Variants in ANKS1A observed in about 807,000 individuals in gnomAD.
ANKS1A encodes the protein ankyrin repeat and sterile alpha motif domain containing 1A.
In ANKS1A, 55 loss-of-function variants were observed where a neutral mutation model predicts 120.3. The observed-to-expected ratio is 0.46, with a 90% confidence interval of 0.37 to 0.57. ANKS1A has a LOEUF of 0.57. ANKS1A is among the 20% of genes least tolerant of loss of function. The pLI, the probability that ANKS1A is intolerant of heterozygous loss-of-function variation, is 0.00. For missense variants in ANKS1A, 1,123 were observed against 1,480.3 expected, an observed-to-expected ratio of 0.76 and a Z score of 3.96; for synonymous variants, 590 against 604.7, an observed-to-expected ratio of 0.98 and a Z score of 0.36.
chr6:35,037,518 CAGCAGGTT>C (rs776278396), intron 11 of ANKS1A, among the ~76,000 whole-genome samples: 2 of 152,300 alleles, frequency 1.3e-5, no homozygotes, highest in Non-Finnish European at 2.9e-5. Flanking sequence ...ATTTGTTACC[CAGCAGGTT>C]ACCCCTTGGG....
intron 1 of ANKS1A, among the ~76,000 whole-genome samples, chr6:34,899,158 T>C (rs1767230264): frequency 6.6e-6 from 1 of 152,234 alleles, no homozygotes; most frequent in Non-Finnish European, 1.5e-5. Context: ...TGGGTCCTTC[T>C]GACTGGGAAG....
At chr6:35,040,685 C>T (rs1775412277) in intron 11 of ANKS1A, among the ~76,000 whole-genome samples, 1 of 152,242 alleles carries the variant, frequency 6.6e-6, no homozygotes, top group African/African-American at 2.4e-5. Flanking sequence ...TACACCAGTT[C>T]ACTTATTACT....
At position 34,976,147 on chromosome 6, in the gene ANKS1A, A is replaced by AAAAAAAAAAG. The variant is rs559867720; in HGVS notation, c.436-5539_436-5538insAAAAAGAAAA. On this transcript the variant is annotated intron_variant, in intron 3 of 23. Coordinates refer to ENST00000360359, the MANE Select transcript of ANKS1A (RefSeq NM_015245.3). ...AGGAGACTCCATCTCAAAAAAAAAA[A>AAAAAAAAAAG]AAAAGAAAAGAAAAACTGATCTGAT... Among the ~76,000 whole-genome samples, 1,219 of 145,626 alleles carry AAAAAAAAAAG rather than the reference A, an allele frequency of 8.4e-3. 31 individuals are homozygous for AAAAAAAAAAG. Among genetic ancestry groups the AAAAAAAAAAG allele is most frequent in the African/African-American group, 0.026 (1,038 of 39,898 alleles).
At chr6:35,061,399 GC>G (rs1776492341) in intron 13 of ANKS1A, among the ~76,000 whole-genome samples, 1 of 152,224 alleles carries the variant, frequency 6.6e-6, no homozygotes, top group Admixed American at 6.5e-5. Context: ...TCTCACCTGT[GC>G]CCGCCTTGCT....
chr6:34,980,575 C>T (rs939740276), intron 3 of ANKS1A, among the ~76,000 whole-genome samples: 5 of 152,160 alleles, frequency 3.3e-5, no homozygotes, highest in African/African-American at 1.2e-4. Flanking sequence ...ACCTTTTGAC[C>T]ACTGAAAGGT....
At chr6:35,002,659 A>G (rs962911265) in intron 10 of ANKS1A, among the ~76,000 whole-genome samples, 30 of 152,136 alleles carry the variant, frequency 2.0e-4, no homozygotes, top group African/African-American at 7.0e-4. Flanking sequence ...TAGAAGATCA[A>G]TGGCCATAAG....
At chr6:34,980,765 G>A (rs1218103690) in intron 3 of ANKS1A, among the ~76,000 whole-genome samples, 11 of 152,192 alleles carry the variant, frequency 7.2e-5, no homozygotes, top group East Asian at 3.8e-4. Context: ...GACATTGTCA[G>A]TAGTAAAAGA....
At chr6:35,097,792 A>G in the ANKS1A span, among the ~76,000 whole-genome samples, 1 of 152,210 alleles carries the variant, frequency 6.6e-6, no homozygotes, top group Non-Finnish European at 1.5e-5. Context: ...TATACAGTTC[A>G]GTTGGTCTTA....
intron 1 of ANKS1A, among the ~76,000 whole-genome samples, chr6:34,908,642 A>G (rs1219920821): frequency 6.6e-6 from 1 of 152,236 alleles, no homozygotes; most frequent in South Asian, 2.1e-4. Context: ...CTCTGAAATA[A>G]ACTTGTGTTT....
intron 1 of ANKS1A, among the ~76,000 whole-genome samples, chr6:34,963,021 C>G (rs1360415217): frequency 6.6e-6 from 1 of 151,574 alleles, no homozygotes; most frequent in Admixed American, 6.6e-5. Flanking sequence ...GCTACCACAC[C>G]CAGCTAATTT....
chr6:34,904,905 G>C (rs1184631199), intron 1 of ANKS1A, among the ~76,000 whole-genome samples: 1 of 152,100 alleles, frequency 6.6e-6, no homozygotes, highest in African/African-American at 2.4e-5. Context: ...TCGCTTCTCA[G>C]GTTCAAGTGA....
intron 11 of ANKS1A, among the ~76,000 whole-genome samples, chr6:35,027,889 A>T (rs1174604663): frequency 6.6e-6 from 1 of 152,210 alleles, no homozygotes. Context: ...ATGCTGAGCG[A>T]ATCTTTCCCA....
chr6:34,989,272 G>A lies in ANKS1A; in HGVS notation c.1258G>A (p.Glu420Lys), dbSNP rs762103309. 1.2e-6 allele frequency: 2 copies of A among 1,614,100 alleles called. No individual in the cohort carries two copies. The highest frequency in any genetic ancestry group is 1.1e-5 in the South Asian group (1 of 91,084). ...PAKPPPDEEE[E>K]DHIDKKYFPL... ...AAAGCCACCGCCCGATGAAGAGGAA[G>A]AAGACCACATAGATAAGAAGTATTT... The change falls in exon 9 of 24, where the codon GAA becomes AAA. Residue 420 changes from glutamate to lysine, a missense_variant. By Grantham distance (56) the Glu-to-Lys change is moderately conservative. Coordinates refer to ENST00000360359, the MANE Select transcript of ANKS1A (RefSeq NM_015245.3).
intron 10 of ANKS1A, among the ~76,000 whole-genome samples, chr6:35,000,672 A>T (rs1023932415): frequency 1.3e-5 from 2 of 152,202 alleles, no homozygotes; most frequent in African/African-American, 4.8e-5. Flanking sequence ...AAAAAAATTT[A>T]TGCAAAAAAT....
Position 35,084,188 on chromosome 6 carries a change from C to T in ANKS1A, c.3062C>T (p.Thr1021Ile). Reference protein sequence around the residue: ...CAAQDPEDLCTFAYITKDLQT... With the variant: ...CAAQDPEDLCIFAYITKDLQT... ...GCCCAGGACCCGGAGGACCTCTGTA[C>T]CTTTGCCTACATCACCAAGGACCTG... is the stretch of plus-strand genomic sequence containing the variant. Residue 1021 changes from threonine to isoleucine, a missense_variant, in exon 21 of 24, where the codon ACC becomes ATC. Thr to Ile is a moderately conservative substitution (Grantham distance 89). Around this residue, in one of 3 missense-constraint regions of ANKS1A, gnomAD observed 904 missense variants for 1,130.4 expected, o/e 0.80. Coordinates refer to ENST00000360359, the MANE Select transcript of ANKS1A (RefSeq NM_015245.3). This position sits in a 1 kb window ranked among gnomAD's most constrained non-coding sequence, Gnocchi z 4.8. 1.9e-6 allele frequency: 3 copies of T among 1,614,204 alleles called. No individual in the cohort carries two copies. The highest frequency in any genetic ancestry group is 2.2e-5 in the South Asian group (2 of 91,082).
At chr6:35,059,282 C>T (rs948966786) in intron 12 of ANKS1A, among the ~76,000 whole-genome samples, 13 of 152,246 alleles carry the variant, frequency 8.5e-5, no homozygotes, top group Admixed American at 7.2e-4. Flanking sequence ...AGCTGTGGAT[C>T]GGGCTCCTGG....
downstream of ANKS1A, among the ~76,000 whole-genome samples, chr6:35,093,632 C>G (rs1778374613): frequency 6.6e-6 from 1 of 152,130 alleles, no homozygotes; most frequent in African/African-American, 2.4e-5. Flanking sequence ...AAACTAACGC[C>G]TATGTCTCGG....
intron 1 of ANKS1A, among the ~76,000 whole-genome samples, chr6:34,909,733 G>T (rs959813724): frequency 6.6e-6 from 1 of 152,208 alleles, no homozygotes; most frequent in Non-Finnish European, 1.5e-5. Flanking sequence ...CATCAGAGAG[G>T]AAACAAGGGG....
chr6:34,933,569 C>T (rs908274050), intron 1 of ANKS1A, among the ~76,000 whole-genome samples: 4 of 152,142 alleles, frequency 2.6e-5, no homozygotes, highest in African/African-American at 7.2e-5. Context: ...GGGGTTTCTC[C>T]ATGTTGGTCA....
Sources: gnomAD v4.1 joint callset for allele counts (sites outside exome capture counted in the v4.1 genomes callset) on GRCh38, gnomAD v4.1.1 for gene constraint, gnomAD v4.1.1 regional missense constraint, Gnocchi (gnomAD v3.1) non-coding constraint, MANE v1.5 for transcripts, NCBI Gene and HGNC (gene_info 2026-07-23, HGNC 2026-07-21) for gene names.